The following PRICKLE2 variants were observed in gnomAD, a reference collection of about 807,000 sequenced individuals.
The protein encoded by PRICKLE2 is prickle planar cell polarity protein 2.
Under a neutral mutation model 81.4 loss-of-function variants are expected in PRICKLE2, and 21 were observed. The observed-to-expected ratio is 0.26, with a 90% CI of 0.18 to 0.37. The LOEUF (loss-of-function observed/expected upper bound fraction) is 0.37. Among genes scored for constraint, PRICKLE2 ranks in the 10% least tolerant of loss-of-function variants. PRICKLE2 has a pLI of 1.00. For missense variants in PRICKLE2, 940 were observed against 1,109.0 expected, an observed-to-expected ratio of 0.85 and a Z score of 2.16; for synonymous variants, 456 against 421.5, an observed-to-expected ratio of 1.08 and a Z score of -1.00.
chr3:64,159,757 T>C (rs537331334), intron 4 of PRICKLE2, among the ~76,000 whole-genome samples, 183 bp downstream of exon 4: 6 of 152,346 alleles, frequency 3.9e-5, no homozygotes, highest in African/African-American at 7.2e-5. Context: ...TGATTACATA[T>C]ATTGTCTGAC....
chr3:64,184,994 G>C (rs1170947067), intron 2 of PRICKLE2, among the ~76,000 whole-genome samples: 1 of 152,136 alleles, frequency 6.6e-6, no homozygotes, highest in Non-Finnish European at 1.5e-5. Flanking sequence ...TTTTTCCCTG[G>C]TTGCCTCTCT....
intron 6 of PRICKLE2, among the ~76,000 whole-genome samples, chr3:64,151,070 G>A (rs1205629695): frequency 6.6e-6 from 1 of 152,182 alleles, no homozygotes; most frequent in Non-Finnish European, 1.5e-5. Flanking sequence ...TTACTCTGCT[G>A]TGCACAGGCA....
rs1431257090 is a variant in PRICKLE2, at chr3:64,166,864, C to T, written c.145-3735G>A. ...TGAAGTCCAGGAGAAAAACGCATCC[C>T]TCTAATGTTAGCTTTGTGTCGCCTC... On this transcript the variant is annotated intron_variant, in intron 2 of 7. Coordinates refer to ENST00000638394, the MANE Select transcript of PRICKLE2 (RefSeq NM_198859.4). Among the ~76,000 whole-genome samples, 3 of 152,196 alleles carry T rather than the reference C, an allele frequency of 2.0e-5. No homozygotes were observed. The East Asian group carries it at 5.8e-4, about 29-fold the overall frequency.
intron 2 of PRICKLE2, among the ~76,000 whole-genome samples, chr3:64,244,113 G>A (rs1346064643): frequency 6.6e-6 from 1 of 152,192 alleles, no homozygotes; most frequent in Non-Finnish European, 1.5e-5. Flanking sequence ...AACTTGCATG[G>A]AATCAAAGCA....
Position 64,125,983 on chromosome 3 carries a change from G to C in PRICKLE2, c.1660+20847C>G, listed in dbSNP as rs933150944. ...TTTTTGTTTGTTTTTAGTTATCTAT[G>C]TGTCAGCATATGCCTAACAACAAAT... On this transcript the variant is annotated intron_variant, in intron 7 of 7. Coordinates refer to ENST00000638394, the MANE Select transcript of PRICKLE2 (RefSeq NM_198859.4). 2.0e-5 allele frequency among the ~76,000 whole-genome samples: 3 copies of C among 151,638 alleles called. No homozygotes were observed. In the South Asian group the frequency reaches 6.2e-4, roughly 32 times the overall value.
rs564721797 is a variant in PRICKLE2, at chr3:64,224,726, C to T, written c.-41+184G>A. ...GAGCTGTGACATAACACTTTGTAAT[C>T]GAGCTTTCTAATCAGCATAGAAAAG... On this transcript the variant is annotated intron_variant, in intron 1 of 7. Coordinates refer to ENST00000638394, the MANE Select transcript of PRICKLE2 (RefSeq NM_198859.4). Among the ~76,000 whole-genome samples, 8 of 152,216 alleles carry T rather than the reference C, an allele frequency of 5.3e-5. No homozygotes were observed. The South Asian group carries it at 6.2e-4, about 12-fold the overall frequency.
rs560992484 is a variant in PRICKLE2 at position 64,153,039 on chromosome 3, C to T, written c.787+143G>A. 110 of 869,810 alleles carry T rather than the reference C, an allele frequency of 1.3e-4. No homozygotes were observed. In the African/African-American group the frequency reaches 1.5e-3, roughly 12 times the overall value. 53.9% of individuals were successfully genotyped at this position (869,810 alleles called of 1,614,324 possible). Reference sequence around the variant, plus strand: ...GTATACTTCTTGGCCTTTCTAGTGTCATGAATCAAGAAATTCCCTTTTTCA... The same window carrying T: ...GTATACTTCTTGGCCTTTCTAGTGTTATGAATCAAGAAATTCCCTTTTTCA... On this transcript the variant is annotated intron_variant, in intron 6 of 7. Coordinates refer to ENST00000638394, the MANE Select transcript of PRICKLE2 (RefSeq NM_198859.4).
At chr3:64,182,291 A>G (rs1000635013) in intron 2 of PRICKLE2, among the ~76,000 whole-genome samples, 15 of 152,112 alleles carry the variant, frequency 9.9e-5, no homozygotes, top group Admixed American at 7.9e-4. Context: ...GTTAGAGACC[A>G]GCCTGGGCAA....
intron 4 of PRICKLE2, among the ~76,000 whole-genome samples, chr3:64,159,328 G>A (rs542936228): frequency 4.6e-5 from 7 of 152,358 alleles, no homozygotes; most frequent in African/African-American, 1.4e-4. Flanking sequence ...GTTCTGGGAT[G>A]ATCCTGGGAG....
chr3:64,179,602 G>A (rs2078090716), intron 2 of PRICKLE2, among the ~76,000 whole-genome samples: 1 of 152,144 alleles, frequency 6.6e-6, no homozygotes, highest in African/African-American at 2.4e-5. Flanking sequence ...GTATGCATTA[G>A]GCAATTCAAA....
chr3:64,237,880 C>T lies in PRICKLE2; in HGVS notation c.129-38913G>A, dbSNP rs187210227. 3.3e-5 allele frequency among the ~76,000 whole-genome samples: 5 copies of T among 152,252 alleles called. No homozygotes were observed. In the East Asian group the frequency reaches 9.7e-4, roughly 30 times the overall value. On this transcript the variant is annotated intron_variant, in intron 2 of 8. Transcript: ENST00000295902. ...CTTGGCTTGCCAGGATGAGAAAAAG[C>T]CCCTTTCTTGTTTGTTTGTCCATCA... is the stretch of plus-strand genomic sequence containing the variant.
chr3:64,122,501 C>G (rs1403262615), intron 7 of PRICKLE2, among the ~76,000 whole-genome samples: 6 of 152,148 alleles, frequency 3.9e-5, no homozygotes, highest in Non-Finnish European at 8.8e-5. Flanking sequence ...GATTTTGATG[C>G]CTTTAAAGAT....
chr3:64,227,378 C>T (rs1385972069), upstream of PRICKLE2, among the ~76,000 whole-genome samples: 1 of 152,098 alleles, frequency 6.6e-6, no homozygotes, highest in Non-Finnish European at 1.5e-5. Flanking sequence ...AGTGTGGCCA[C>T]GAACAAGTCA....
rs892665561 is a variant in PRICKLE2 at position 64,240,663 on chromosome 3, G to C, written c.129-41696C>G. Among the ~76,000 whole-genome samples the C allele has an allele frequency of 2.4e-4, 37 of 152,148 alleles. 1 individual carries two copies. ...ATCTCCCCCACAGCATGGAATGTCT[G>C]AGCCAGCGGTTCTCACAACATGATC... is the stretch of plus-strand genomic sequence containing the variant. On this transcript the variant is annotated intron_variant, in intron 2 of 8. Coordinates refer to the PRICKLE2 transcript ENST00000295902.
chr3:64,111,693 A>G (rs978036883), intron 7 of PRICKLE2, among the ~76,000 whole-genome samples: 13 of 152,236 alleles, frequency 8.5e-5, no homozygotes, highest in African/African-American at 3.1e-4. Context: ...TCCCATTTAT[A>G]GAAAGTTAAA....
At position 64,099,363 on chromosome 3, in the gene PRICKLE2, C is replaced by T. The variant is rs750586994; in HGVS notation, c.2223G>A (p.Arg741=). The change falls in exon 8 of 8, where the codon CGG becomes CGA. Residue 741 remains arginine (R), a synonymous_variant. Transcript: ENST00000638394. The surrounding 1 kb of genome is among the most constrained non-coding windows in gnomAD (Gnocchi z 4.3). ...SFQESMGHGS[R]RDLYGQCPRT... ...TAGGGCACTGGCCGTACAGGTCCCT[C>T]CGGGACCCATGCCCCATGCTCTCCT... is the stretch of plus-strand genomic sequence containing the variant. 13 of 1,612,490 alleles carry T rather than the reference C, an allele frequency of 8.1e-6. No homozygotes were observed. Among genetic ancestry groups the T allele is most frequent in the South Asian group, 4.4e-5 (4 of 91,062 alleles).
Position 64,198,871 on chromosome 3 carries a change from G to C in PRICKLE2, c.57C>G (p.Asp19Glu), listed in dbSNP as rs1056728566. ...CATCTGAGGTCGAGTTCCTCTGAAA[G>C]TCAAACATGAGTTTGCTGATGGTCT... ...MEKTISKLMFDFQRNSTSDDD... is the reference protein window; with the variant it reads ...MEKTISKLMFEFQRNSTSDDD... Residue 19 changes from aspartate (D) to glutamate (E), a missense_variant, in exon 2 of 8, where the codon GAC (aspartate) becomes GAG (glutamate). Physicochemically the swap from Asp to Glu is conservative, Grantham distance 45. Around this residue, in one of 2 missense-constraint regions of PRICKLE2, gnomAD observed 270 missense variants for 391.8 expected, o/e 0.69. Coordinates refer to ENST00000638394, the MANE Select transcript of PRICKLE2 (RefSeq NM_198859.4). 3.1e-6 allele frequency: 5 copies of C among 1,614,040 alleles called. No homozygotes were observed. Among genetic ancestry groups the C allele is most frequent in the Non-Finnish European group, 4.2e-6 (5 of 1,180,030 alleles).
Position 64,219,178 on chromosome 3 carries a change from A to G in PRICKLE2, c.-41+5732T>C, listed in dbSNP as rs2078914320. Among the ~76,000 whole-genome samples the G allele has an allele frequency of 2.6e-5, 4 of 152,318 alleles. No individual in the cohort carries two copies. In the South Asian group the frequency reaches 8.3e-4, roughly 32 times the overall value. ...TAGTTCCCCGCCAAGAGTGGCCAACAGTGCAAATTACACTCCTTCCCTGAT... is the reference window on the plus strand; with the variant it reads ...TAGTTCCCCGCCAAGAGTGGCCAACGGTGCAAATTACACTCCTTCCCTGAT... On this transcript the variant is annotated intron_variant, in intron 1 of 7. Coordinates refer to ENST00000638394, the MANE Select transcript of PRICKLE2 (RefSeq NM_198859.4).
At chr3:64,221,916 C>G (rs565338591) in intron 1 of PRICKLE2, among the ~76,000 whole-genome samples, 1 of 152,184 alleles carries the variant, frequency 6.6e-6, no homozygotes, top group African/African-American at 2.4e-5. Context: ...AAGCACTAGA[C>G]GGGTACCACG....
Sources: allele counts gnomAD v4.1 joint callset (sites outside exome capture counted in the v4.1 genomes callset), GRCh38; gene constraint gnomAD v4.1.1; regional missense constraint gnomAD v4.1.1; non-coding constraint Gnocchi (gnomAD v3.1); transcripts MANE v1.5; gene names NCBI Gene and HGNC (gene_info 2026-07-23, HGNC 2026-07-21).